Variants in CSMD1 observed in about 807,000 individuals in gnomAD.
The protein encoded by CSMD1 is CUB and sushi domain-containing protein 1.
Under a neutral mutation model 417.5 loss-of-function variants are expected in CSMD1, and 213 were observed. The ratio of observed to expected loss-of-function variants is 0.51; its 90% CI spans 0.46 to 0.57. CSMD1 has a LOEUF of 0.57. CSMD1 is among the 20% of genes least tolerant of loss of function. The probability of loss-of-function intolerance (pLI) is 0.00; values close to 1 mark genes in which losing one functional copy is unlikely to be tolerated. For synonymous variants in CSMD1, 2,862 were observed against 1,736.8 expected (o/e 1.65, Z -16.11); for missense variants, 6,923 against 4,529.7 (o/e 1.53, Z -15.17).
chr8:4,983,682 C>A (rs548941077), intron 1 of CSMD1, among the ~76,000 whole-genome samples: 1 of 152,066 alleles, frequency 6.6e-6, no homozygotes, highest in Admixed American at 6.6e-5. Flanking sequence ...GCCACCACAC[C>A]CAGCTAATTT....
chr8:4,607,877 C>T (rs577475914), intron 2 of CSMD1, among the ~76,000 whole-genome samples: 71 of 152,268 alleles, frequency 4.7e-4, no homozygotes, highest in African/African-American at 1.7e-3. Flanking sequence ...CTGACTCTTC[C>T]TTGAATTCCT....
At chr8:4,252,768 A>G (rs1173544568) in intron 3 of CSMD1, among the ~76,000 whole-genome samples, 2 of 152,234 alleles carry the variant, frequency 1.3e-5, no homozygotes, top group Non-Finnish European at 2.9e-5. Flanking sequence ...AGTGGCAGAC[A>G]TACACCACTG....
At chr8:4,201,456 T>G (rs1446398133) in intron 3 of CSMD1, among the ~76,000 whole-genome samples, 1 of 137,316 alleles carries the variant, frequency 7.3e-6, no homozygotes. Context: ...GAGAATGGCA[T>G]GAACACGGGA....
At chr8:4,326,844 C>T (rs141415195) in intron 3 of CSMD1, among the ~76,000 whole-genome samples, 2 of 151,840 alleles carry the variant, frequency 1.3e-5, no homozygotes, top group Non-Finnish European at 2.9e-5. Flanking sequence ...AAAAAAAGGT[C>T]ACAGGTGAAG....
At chr8:3,822,102 C>A (rs140847386) in intron 5 of CSMD1, among the ~76,000 whole-genome samples, 6 of 151,788 alleles carry the variant, frequency 4.0e-5, no homozygotes, top group Non-Finnish European at 7.4e-5. Context: ...GTTTTGTCTC[C>A]GATTTTTCTG....
chr8:3,957,370 G>C (rs1370296683), intron 5 of CSMD1, among the ~76,000 whole-genome samples: 1 of 152,146 alleles, frequency 6.6e-6, no homozygotes, highest in South Asian at 2.1e-4. Flanking sequence ...CACCAAGGCA[G>C]GTGTTAAGCA....
chr8:4,398,614 C>T (rs1212721883), intron 3 of CSMD1, among the ~76,000 whole-genome samples: 1 of 152,026 alleles, frequency 6.6e-6, no homozygotes, highest in Non-Finnish European at 1.5e-5. Context: ...CCAGGATTGT[C>T]TCGATCTCCT....
intron 4 of CSMD1, among the ~76,000 whole-genome samples, chr8:4,031,639 G>T (rs73658536): frequency 1.3e-5 from 2 of 151,820 alleles, no homozygotes; most frequent in Non-Finnish European, 2.9e-5. Context: ...GACTTTTCTC[G>T]TATAACATGT....
At chr8:4,674,899 T>C (rs1435065428) in intron 1 of CSMD1, among the ~76,000 whole-genome samples, 1 of 152,184 alleles carries the variant, frequency 6.6e-6, no homozygotes, top group Non-Finnish European at 1.5e-5. Context: ...ACTCTCATGA[T>C]GGCATTAGTC....
At chr8:4,244,108 G>T (rs947962995) in intron 3 of CSMD1, among the ~76,000 whole-genome samples, 2 of 152,072 alleles carry the variant, frequency 1.3e-5, no homozygotes, top group African/African-American at 2.4e-5. Flanking sequence ...ATGACTACTG[G>T]GTGCTGTGCG....
At chr8:4,176,398 C>A (rs1395018191) in intron 3 of CSMD1, among the ~76,000 whole-genome samples, 1 of 151,966 alleles carries the variant, frequency 6.6e-6, no homozygotes, top group Non-Finnish European at 1.5e-5. Flanking sequence ...TCTCATTTTT[C>A]CCTTTTCTCT....
At chr8:4,182,131 AG>A (rs1798415459) in intron 3 of CSMD1, among the ~76,000 whole-genome samples, 1 of 152,134 alleles carries the variant, frequency 6.6e-6, no homozygotes. Flanking sequence ...CACCAAAAGA[AG>A]ACAGAACTAA....
chr8:4,616,230 T>G (rs926525229), intron 2 of CSMD1, among the ~76,000 whole-genome samples: 1 of 152,166 alleles, frequency 6.6e-6, no homozygotes, highest in Non-Finnish European at 1.5e-5. Context: ...AGGAGCACTT[T>G]GAGAATTGAA....
intron 2 of CSMD1, among the ~76,000 whole-genome samples, chr8:4,493,008 T>C (rs945282345): frequency 6.6e-6 from 1 of 152,208 alleles, no homozygotes; most frequent in African/African-American, 2.4e-5. Flanking sequence ...AGATCAAGGT[T>C]GTGTCAGAAT....
chr8:2,956,480 G>A (rs975628407), intron 63 of CSMD1, among the ~76,000 whole-genome samples: 2 of 151,184 alleles, frequency 1.3e-5, no homozygotes, highest in Non-Finnish European at 2.9e-5. Flanking sequence ...TATTTTTTGA[G>A]TCTCGCTGTG....
intron 2 of CSMD1, among the ~76,000 whole-genome samples, chr8:4,514,255 C>T (rs116183736): frequency 0.014 from 2,072 of 152,072 alleles, 50 homozygotes; most frequent in African/African-American, 0.046. Flanking sequence ...TCTTTTTATA[C>T]GGATATAAAT....
At chr8:4,363,404 G>T (rs1034497400) in intron 3 of CSMD1, among the ~76,000 whole-genome samples, 4 of 152,166 alleles carry the variant, frequency 2.6e-5, no homozygotes, top group African/African-American at 9.6e-5. Context: ...ATAAAAAAAT[G>T]TTCTGGCCTC....
intron 3 of CSMD1, among the ~76,000 whole-genome samples, chr8:4,292,407 C>A (rs763765058): frequency 6.6e-6 from 1 of 152,040 alleles, no homozygotes; most frequent in South Asian, 2.1e-4. Context: ...TGCCCGCCAC[C>A]ACGCCCGGCT....
intron 5 of CSMD1, among the ~76,000 whole-genome samples, chr8:3,990,322 T>A (rs879555256): frequency 2.0e-5 from 3 of 152,188 alleles, no homozygotes; most frequent in African/African-American, 7.2e-5. Context: ...TGAGGTTAAT[T>A]TGGAGAAATC....
Sources: gnomAD v4.1 joint callset for allele counts (sites outside exome capture counted in the v4.1 genomes callset) on GRCh38, gnomAD v4.1.1 for gene constraint, MANE v1.5 for transcripts, NCBI Gene and HGNC (gene_info 2026-07-23, HGNC 2026-07-21) for gene names.